The following CADPS variants were observed in gnomAD, a reference collection of about 807,000 sequenced individuals.
CADPS encodes calcium-dependent secretion activator 1.
In CADPS, 57 loss-of-function variants were observed where a neutral mutation model predicts 167.3. The observed-to-expected ratio is 0.34, with a 90% CI of 0.28 to 0.42. The LOEUF is 0.42. Among genes scored for constraint, CADPS ranks in the 20% least tolerant of loss-of-function variants. The pLI, the probability that CADPS is intolerant of heterozygous loss-of-function variation, is 1.00. For synonymous variants in CADPS, 676 were observed against 635.3 expected (o/e 1.06, Z -0.96); for missense variants, 1,414 against 1,738.1 (o/e 0.81, Z 3.32).
chr3:62,776,783 A>T (rs757428565), intron 1 of CADPS, among the ~76,000 whole-genome samples: 4 of 152,182 alleles, frequency 2.6e-5, no homozygotes, highest in Non-Finnish European at 5.9e-5. Context: ...GGCCCTGAAT[A>T]GTATCTAGAA....
chr3:62,668,037 C>T (rs1180207017), intron 3 of CADPS, among the ~76,000 whole-genome samples: 1 of 152,158 alleles, frequency 6.6e-6, no homozygotes, highest in Non-Finnish European at 1.5e-5. Context: ...TTCTGGTGCT[C>T]ATGCACTAAC....
chr3:62,873,924 G>A lies in CADPS; in HGVS notation c.441+665C>T, dbSNP rs1279816205. Reference sequence around the variant, plus strand: ...GTCAGGGGGACTGGTGAGAACTCCAGCCATAAGGAAGCAGTGCCCGAGGAC... The same window carrying A: ...GTCAGGGGGACTGGTGAGAACTCCAACCATAAGGAAGCAGTGCCCGAGGAC... On this transcript the variant is annotated intron_variant, in intron 1 of 29. Coordinates refer to ENST00000383710, the MANE Select transcript of CADPS (RefSeq NM_003716.4). Among the ~76,000 whole-genome samples the A allele has an allele frequency of 2.0e-5, 3 of 152,216 alleles. No individual in the cohort carries two copies. The East Asian group carries it at 5.8e-4, about 29-fold the overall frequency.
rs1364266570 is a variant in CADPS at position 62,874,749 on chromosome 3, G to C, written c.281C>G (p.Pro94Arg). 2 of 1,499,308 alleles carry C rather than the reference G, an allele frequency of 1.3e-6. No individual in the cohort carries two copies. The highest frequency in any genetic ancestry group is 2.4e-5 in the South Asian group (2 of 82,984). The allele number at this position is 1,499,308 out of a possible 1,614,324, so 92.9% of individuals were successfully genotyped here. The change falls in exon 1 of 30, where the codon CCG becomes CGG. Residue 94 changes from proline to arginine, a missense_variant. By Grantham distance (103) the Pro-to-Arg change is moderately radical (BLOSUM62 -2). This residue lies in a region of CADPS where 522 missense variants were observed against 559.5 expected (regional missense o/e 0.93). Transcript: ENST00000383710. The surrounding 1 kb of genome is among the most constrained non-coding windows in gnomAD (Gnocchi z 7.1). ...AGGGRPSSPS[P>R]SVVSEKEKEE... ...CTTCTCCTTCTCGCTCACCACCGAC[G>C]GGCTGGGGCTGGAGGGCCGGCCGCC...
intron 24 of CADPS, among the ~76,000 whole-genome samples, chr3:62,472,189 AG>A (rs754420056): frequency 2.4e-4 from 37 of 151,258 alleles, no homozygotes; most frequent in Non-Finnish European, 3.8e-4. Context: ...GTGATTACCT[AG>A]GGCTGTGAAG....
chr3:62,544,008 T>C lies in CADPS; in HGVS notation c.1966+5895A>G, dbSNP rs576629062. On this transcript the variant is annotated intron_variant, in intron 11 of 29. Coordinates refer to ENST00000383710, the MANE Select transcript of CADPS (RefSeq NM_003716.4). The surrounding 1 kb of genome is among the most constrained non-coding windows in gnomAD (Gnocchi z 4.4). ...GTCAAAAAAGTTATTGTTGTCATTG[T>C]TCTTGGGGGAGTAGCAGAATGACAT... Among the ~76,000 whole-genome samples the C allele has an allele frequency of 2.0e-5, 3 of 152,232 alleles. No individual in the cohort carries two copies. The highest frequency in any genetic ancestry group is 3.4e-3 in the Middle Eastern group (1 of 294).
At chr3:62,767,502 A>C (rs2087228476) in intron 1 of CADPS, among the ~76,000 whole-genome samples, 1 of 152,200 alleles carries the variant, frequency 6.6e-6, no homozygotes, top group South Asian at 2.1e-4. Context: ...AAGTGATTTT[A>C]CTGTTAGAGT....
intron 26 of CADPS, among the ~76,000 whole-genome samples, chr3:62,457,058 C>G (rs972168396): frequency 1.3e-5 from 2 of 152,136 alleles, no homozygotes; most frequent in Non-Finnish European, 2.9e-5. Context: ...TTAAACCTAT[C>G]TCTACCACTC....
At position 62,475,205 on chromosome 3, in the gene CADPS, G is replaced by A. The variant is rs531404899; in HGVS notation, c.3330-885C>T. Among the ~76,000 whole-genome samples the A allele has an allele frequency of 3.3e-5, 5 of 152,266 alleles. No individual in the cohort carries two copies. In the South Asian group the frequency reaches 1.0e-3, roughly 32 times the overall value. On this transcript the variant is annotated intron_variant, in intron 23 of 29. Coordinates refer to ENST00000383710, the MANE Select transcript of CADPS (RefSeq NM_003716.4). ...TCATAGAAAAAGCCTAGCCTGACAT[G>A]GCCAGCTGGTAATACAGGTGGGAGA...
At chr3:62,500,835 T>C (rs1169587749) in intron 17 of CADPS, among the ~76,000 whole-genome samples, 1 of 152,238 alleles carries the variant, frequency 6.6e-6, no homozygotes, top group East Asian at 1.9e-4. Flanking sequence ...AATATTCTTT[T>C]ATGCATTTCT....
chr3:62,688,081 T>A (rs909411432), intron 3 of CADPS, among the ~76,000 whole-genome samples: 4 of 152,096 alleles, frequency 2.6e-5, no homozygotes, highest in Non-Finnish European at 4.4e-5. Context: ...AGAATATGCT[T>A]CCATCAGTTA....
At position 62,758,796 on chromosome 3, in the gene CADPS, C is replaced by T. The variant is rs1456827204; in HGVS notation, c.556-5023G>A. Reference sequence around the variant, plus strand: ...GTGAAGGACAGTCAATTCAGCAACTCGACCTCATCCATCAGTCCTTCCCTC... The same window carrying T: ...GTGAAGGACAGTCAATTCAGCAACTTGACCTCATCCATCAGTCCTTCCCTC... On this transcript the variant is annotated intron_variant, in intron 2 of 29. Coordinates refer to ENST00000383710, the MANE Select transcript of CADPS (RefSeq NM_003716.4). 2.0e-4 allele frequency among the ~76,000 whole-genome samples: 31 copies of T among 152,190 alleles called. 1 individual carries two copies. The highest frequency in any genetic ancestry group is 2.0e-3 in the Admixed American group (31 of 15,282).
intron 3 of CADPS, among the ~76,000 whole-genome samples, chr3:62,704,130 T>C (rs1484345030): frequency 6.6e-6 from 1 of 152,136 alleles, no homozygotes; most frequent in African/African-American, 2.4e-5. Flanking sequence ...TACATTCTAG[T>C]AGGGGGAAAA....
intron 6 of CADPS, among the ~76,000 whole-genome samples, chr3:62,638,501 G>T (rs1160847074): frequency 6.6e-6 from 1 of 152,044 alleles, no homozygotes; most frequent in East Asian, 1.9e-4. Context: ...ATCTTCTCTG[G>T]CAAGGTAATA....
chr3:62,607,112 C>T (rs1267726889), intron 6 of CADPS, among the ~76,000 whole-genome samples: 1 of 152,234 alleles, frequency 6.6e-6, no homozygotes, highest in Non-Finnish European at 1.5e-5. Flanking sequence ...GGTCTGTCTG[C>T]AGTCCTTAGT....
chr3:62,517,420 A>G (rs1577101622), intron 14 of CADPS, among the ~76,000 whole-genome samples: 1 of 152,196 alleles, frequency 6.6e-6, no homozygotes, highest in East Asian at 1.9e-4. Context: ...TTCCTGGTTT[A>G]AATGGGGATT....
chr3:62,824,638 T>C (rs940443066), intron 1 of CADPS, among the ~76,000 whole-genome samples: 6 of 152,114 alleles, frequency 3.9e-5, no homozygotes, highest in African/African-American at 1.4e-4. Context: ...ATATTTTGAG[T>C]AATTTTCTTT....
intron 1 of CADPS, among the ~76,000 whole-genome samples, chr3:62,851,183 G>A (rs1335574777): frequency 2.1e-5 from 3 of 140,044 alleles, no homozygotes; most frequent in Non-Finnish European, 4.6e-5. Context: ...CACGTGAGAT[G>A]GGTTTCCTGA....
chr3:62,766,108 C>G, intron 1 of CADPS, 124 bp from the exon 2 acceptor site: 1 of 477,304 alleles, frequency 2.1e-6, no homozygotes, highest in African/African-American at 1.9e-5. Context: ...TGTGTGACAG[C>G]TGATTAGTGA....
chr3:62,434,535 T>C (rs2054603888), intron 28 of CADPS, among the ~76,000 whole-genome samples: 1 of 152,068 alleles, frequency 6.6e-6, no homozygotes. Flanking sequence ...GAATGCTTGG[T>C]TAAAACAAAA....
Sources: gnomAD v4.1 joint callset for allele counts (sites outside exome capture counted in the v4.1 genomes callset) on GRCh38, gnomAD v4.1.1 for gene constraint, gnomAD v4.1.1 regional missense constraint, Gnocchi (gnomAD v3.1) non-coding constraint, MANE v1.5 for transcripts, NCBI Gene and HGNC (gene_info 2026-07-23, HGNC 2026-07-21) for gene names.